Variants in SDK1 observed in about 807,000 individuals in gnomAD.
The protein encoded by SDK1 is sidekick cell adhesion molecule 1.
SDK1 carries 157 observed loss-of-function variants against 245.5 expected under a neutral mutation model. That is an observed-to-expected ratio of 0.64 (90% CI 0.56 to 0.73). The LOEUF is 0.73. Among genes scored for constraint, SDK1 ranks in the 30% least tolerant of loss-of-function variants. SDK1 has a pLI of 0.00. For synonymous variants in SDK1, 1,647 were observed against 1,278.5 expected, an observed-to-expected ratio of 1.29 and a Z score of -6.15; for missense variants, 3,583 against 3,002.3, an observed-to-expected ratio of 1.19 and a Z score of -4.52.
At chr7:4,023,917 A>G (rs1787129988) in intron 17 of SDK1, among the ~76,000 whole-genome samples, 1 of 152,264 alleles carries the variant, frequency 6.6e-6, no homozygotes, top group African/African-American at 2.4e-5. Flanking sequence ...TTGTCCTAAA[A>G]CAAGCCTGTA....
Position 4,149,245 on chromosome 7 carries a change from T to C in SDK1, c.4424-17T>C. 6.7e-7 allele frequency: 1 copy of C among 1,502,686 alleles called. No homozygotes were observed. Among genetic ancestry groups the C allele is most frequent in the Non-Finnish European group, 8.9e-7 (1 of 1,125,954 alleles). The allele number at this position is 1,502,686 out of a possible 1,614,324, so 93.1% of individuals were successfully genotyped here. A position where few individuals can be genotyped will look rare whatever the true frequency, so the allele number is the denominator to read the frequency against. On this transcript the variant is annotated splice_polypyrimidine_tract_variant and intron_variant, in intron 29 of 44. Transcript: ENST00000404826. ...CAGCCTCTCACATGTCCCTGGTCTGTCCTCATTTGGTTGCAGAGCGGCCGG... is the reference window on the plus strand; with the variant it reads ...CAGCCTCTCACATGTCCCTGGTCTGCCCTCATTTGGTTGCAGAGCGGCCGG...
intron 1 of SDK1, among the ~76,000 whole-genome samples, chr7:3,474,091 GTTTTTTTTT>G (rs869083123): frequency 4.6e-5 from 2 of 43,226 alleles, no homozygotes; most frequent in African/African-American, 2.0e-4. Context: ...ACCAGATGGT[GTTTTTTTTT>G]TTTTTTTTTT....
At chr7:3,303,425 T>G (rs1029349192) in intron 1 of SDK1, among the ~76,000 whole-genome samples, 1 of 152,176 alleles carries the variant, frequency 6.6e-6, no homozygotes, top group Non-Finnish European at 1.5e-5. Context: ...GGGGAAAAAA[T>G]CTGCCAGTGG....
chr7:3,419,364 T>G (rs972188263), intron 1 of SDK1, among the ~76,000 whole-genome samples: 1 of 152,182 alleles, frequency 6.6e-6, no homozygotes, highest in Non-Finnish European at 1.5e-5. Flanking sequence ...TAGGATCCAC[T>G]GTTGTTCCCT....
chr7:3,755,912 T>A (rs1779913498), intron 4 of SDK1, among the ~76,000 whole-genome samples: 1 of 151,154 alleles, frequency 6.6e-6, no homozygotes, highest in Non-Finnish European at 1.5e-5. Context: ...CTGACTCACA[T>A]GGCATAGCAC....
intron 14 of SDK1, among the ~76,000 whole-genome samples, chr7:4,008,082 C>T (rs1399147267): frequency 6.6e-6 from 1 of 152,192 alleles, no homozygotes; most frequent in African/African-American, 2.4e-5. Context: ...TTCCCCTGCT[C>T]CTCCTACTTT....
intron 1 of SDK1, among the ~76,000 whole-genome samples, chr7:3,374,735 C>T (rs538912409): frequency 4.6e-5 from 7 of 152,146 alleles, no homozygotes; most frequent in Non-Finnish European, 7.3e-5. Flanking sequence ...CCCACACCCC[C>T]GGTCAACTCT....
At chr7:4,242,964 C>A (rs1011905428) in intron 43 of SDK1, among the ~76,000 whole-genome samples, 3 of 152,218 alleles carry the variant, frequency 2.0e-5, no homozygotes, top group Non-Finnish European at 4.4e-5. Context: ...CAGGCCGCCA[C>A]CCCACGAGGC....
intron 1 of SDK1, among the ~76,000 whole-genome samples, chr7:3,517,663 C>G (rs984680444): frequency 6.6e-6 from 1 of 152,094 alleles, no homozygotes; most frequent in Non-Finnish European, 1.5e-5. Flanking sequence ...GCAGGTTGTC[C>G]ATGTTGATGC....
intron 4 of SDK1, among the ~76,000 whole-genome samples, chr7:3,716,751 C>A (rs1349315291): frequency 1.3e-5 from 2 of 149,042 alleles, no homozygotes; most frequent in African/African-American, 4.9e-5. Context: ...AAAGTGAGAC[C>A]CTGTCTCACC....
chr7:3,717,525 A>T (rs1785238858), intron 4 of SDK1, among the ~76,000 whole-genome samples: 1 of 152,196 alleles, frequency 6.6e-6, no homozygotes, highest in Non-Finnish European at 1.5e-5. Flanking sequence ...CCACCTAAGA[A>T]CCTAGAAAAA....
intron 5 of SDK1, among the ~76,000 whole-genome samples, chr7:3,929,944 C>T (rs1209608816): frequency 6.6e-6 from 1 of 152,074 alleles, no homozygotes; most frequent in African/African-American, 2.4e-5. Flanking sequence ...GGGGAGCCGG[C>T]GTGTCACGTT....
intron 44 of SDK1, among the ~76,000 whole-genome samples, chr7:4,257,244 T>C (rs1214036204): frequency 6.6e-6 from 1 of 152,240 alleles, no homozygotes; most frequent in Non-Finnish European, 1.5e-5. Context: ...GTGTTGAGAT[T>C]ATCTTTATTA....
intron 14 of SDK1, among the ~76,000 whole-genome samples, chr7:3,989,539 A>G (rs1784135294): frequency 6.6e-6 from 1 of 152,214 alleles, no homozygotes; most frequent in South Asian, 2.1e-4. Context: ...AACACGATCC[A>G]CTTTATTCGG....
intron 35 of SDK1, among the ~76,000 whole-genome samples, chr7:4,186,057 C>A (rs1399216987): frequency 6.6e-6 from 1 of 152,220 alleles, no homozygotes; most frequent in Non-Finnish European, 1.5e-5. Context: ...GTTTGCTCTG[C>A]AACTACTGTC....
At chr7:3,422,006 G>C (rs915870922) in intron 1 of SDK1, among the ~76,000 whole-genome samples, 1 of 152,066 alleles carries the variant, frequency 6.6e-6, no homozygotes, top group East Asian at 1.9e-4. Flanking sequence ...TGATGAGAGG[G>C]GGAATTAAAT....
chr7:3,338,521 C>T, intron 1 of SDK1: 1 of 438,448 alleles, frequency 2.3e-6, no homozygotes, highest in East Asian at 5.8e-5. Flanking sequence ...CCAGCCTGTT[C>T]CCAGAGAAGC....
chr7:3,507,884 A>G (rs1782443961), intron 1 of SDK1, among the ~76,000 whole-genome samples: 1 of 152,096 alleles, frequency 6.6e-6, no homozygotes. Flanking sequence ...CATTGCAATA[A>G]TATTCACAAG....
intron 4 of SDK1, among the ~76,000 whole-genome samples, chr7:3,739,399 C>T (rs1027155878): frequency 6.6e-5 from 10 of 151,994 alleles, no homozygotes; most frequent in Non-Finnish European, 1.3e-4. Context: ...CTGTTACTTT[C>T]CCTTCCATCT....
Sources: gnomAD v4.1 joint callset for allele counts (sites outside exome capture counted in the v4.1 genomes callset) on GRCh38, gnomAD v4.1.1 for gene constraint, MANE v1.5 for transcripts, NCBI Gene and HGNC (gene_info 2026-07-23, HGNC 2026-07-21) for gene names.